The following FAM120A variants were observed in gnomAD, a reference collection of about 807,000 sequenced individuals.
FAM120A encodes constitutive coactivator of PPAR-gamma-like protein 1.
A neutral mutation model predicts 109.7 loss-of-function variants in FAM120A; 15 were observed. The ratio of observed to expected loss-of-function variants is 0.14; its 90% CI spans 0.09 to 0.21. FAM120A has a LOEUF of 0.21. Among genes scored for constraint, FAM120A ranks in the 10% least tolerant of loss-of-function variants. The pLI is 1.00. For synonymous variants in FAM120A, 493 were observed against 572.8 expected, an observed-to-expected ratio of 0.86 and a Z score of 1.99; for missense variants, 899 against 1,439.3, an observed-to-expected ratio of 0.62 and a Z score of 6.07.
At chr9:93,484,413 G>T (rs1238192447) in intron 3 of FAM120A, among the ~76,000 whole-genome samples, 2 of 152,162 alleles carry the variant, frequency 1.3e-5, no homozygotes, top group Non-Finnish European at 2.9e-5. Flanking sequence ...CTGCCAGCAG[G>T]AGCAGGAACA....
At chr9:93,471,016 G>A (rs1029579546) in intron 1 of FAM120A, 125 bp from the exon 2 acceptor site, 4 of 1,165,984 alleles carry the variant, frequency 3.4e-6, no homozygotes, top group African/African-American at 3.1e-5. Flanking sequence ...TTTTTTGACT[G>A]TTTGGCTTTC....
At chr9:93,494,895 C>T (rs772354875) in intron 3 of FAM120A, among the ~76,000 whole-genome samples, 17 of 152,186 alleles carry the variant, frequency 1.1e-4, no homozygotes, top group Non-Finnish European at 2.1e-4. Flanking sequence ...CATCTTGGAT[C>T]TGGCCATTCT....
intron 12 of FAM120A, among the ~76,000 whole-genome samples, chr9:93,554,442 C>A (rs932283927): frequency 1.3e-5 from 2 of 152,102 alleles, no homozygotes; most frequent in Non-Finnish European, 2.9e-5. Context: ...GGCCGAGGAT[C>A]TTCTCAGATC....
chr9:93,532,942 T>A lies in FAM120A; in HGVS notation c.1909+613T>A, dbSNP rs1300444472. Among the ~76,000 whole-genome samples the A allele has an allele frequency of 6.6e-6, 1 of 152,216 alleles. No individual in the cohort carries two copies. Among genetic ancestry groups the A allele is most frequent in the Non-Finnish European group, 1.5e-5 (1 of 68,040 alleles). On this transcript the variant is annotated intron_variant, in intron 10 of 17. Coordinates refer to ENST00000277165, the MANE Select transcript of FAM120A (RefSeq NM_014612.5). The surrounding 1 kb of genome is among the most constrained non-coding windows in gnomAD (Gnocchi z 4.3). Reference sequence around the variant, plus strand: ...CACTGAAAAGGATTGTTTGAAAAGTTGGTCAAAGATGAGGTCAAAGCATTT... The same window carrying A: ...CACTGAAAAGGATTGTTTGAAAAGTAGGTCAAAGATGAGGTCAAAGCATTT...
intron 1 of FAM120A, 42 bp from the exon 2 acceptor site, chr9:93,471,099 G>C: frequency 6.2e-7 from 1 of 1,609,170 alleles, no homozygotes; most frequent in Non-Finnish European, 8.5e-7. Flanking sequence ...TGTTGCTACA[G>C]TGTTACCCTA....
chr9:93,542,730 G>A (rs1861749340), intron 10 of FAM120A, among the ~76,000 whole-genome samples: 2 of 152,284 alleles, frequency 1.3e-5, no homozygotes, highest in South Asian at 4.1e-4. Flanking sequence ...GTTGAAGTGG[G>A]AGGTTCAGTA....
intron 10 of FAM120A, among the ~76,000 whole-genome samples, chr9:93,537,433 C>A (rs752163679): frequency 6.6e-6 from 1 of 152,130 alleles, no homozygotes; most frequent in Non-Finnish European, 1.5e-5. Context: ...TTAACGTCAT[C>A]TTAATAAAAT....
chr9:93,467,254 C>A (rs796859093), intron 1 of FAM120A, among the ~76,000 whole-genome samples: 1 of 111,718 alleles, frequency 9.0e-6, no homozygotes, highest in Admixed American at 8.5e-5. Context: ...TCACCCCCCC[C>A]CCCCTTTTCC....
rs1859648340 is a variant in FAM120A at position 93,498,099 on chromosome 9, G to A, written c.933+500G>A. 6.6e-6 allele frequency among the ~76,000 whole-genome samples: 1 copy of A among 152,122 alleles called. No individual in the cohort carries two copies. The highest frequency in any genetic ancestry group is 2.1e-4 in the South Asian group (1 of 4,824). On this transcript the variant is annotated intron_variant, in intron 4 of 17. Transcript: ENST00000277165. The surrounding 1 kb of genome is among the most constrained non-coding windows in gnomAD (Gnocchi z 4.4). ...CTGTGAAACTCCTGCTGTGTCTCTAGAGAGCTGAAATGCAGCCAGGCACGG... is the reference window on the plus strand; with the variant it reads ...CTGTGAAACTCCTGCTGTGTCTCTAAAGAGCTGAAATGCAGCCAGGCACGG...
At chr9:93,476,450 C>A (rs1858552531) in intron 3 of FAM120A, 112 bp downstream of exon 3, 3 of 678,144 alleles carry the variant, frequency 4.4e-6, no homozygotes, top group Non-Finnish European at 7.7e-6. Flanking sequence ...TTAGCAATAC[C>A]ATGTTTTCCC....
intron 5 of FAM120A, among the ~76,000 whole-genome samples, chr9:93,510,035 G>A (rs1860239796): frequency 6.6e-6 from 1 of 152,192 alleles, no homozygotes; most frequent in Non-Finnish European, 1.5e-5. Context: ...TGACGTTGAT[G>A]TTAAGCCCCG....
At chr9:93,454,544 C>T (rs894995025) in intron 1 of FAM120A, among the ~76,000 whole-genome samples, 1 of 152,146 alleles carries the variant, frequency 6.6e-6, no homozygotes, top group Admixed American at 6.5e-5. Context: ...CTAAACTCAG[C>T]TTGAGAAGAG....
At chr9:93,477,313 T>A (rs1227149021) in intron 3 of FAM120A, among the ~76,000 whole-genome samples, 1 of 152,254 alleles carries the variant, frequency 6.6e-6, no homozygotes. Context: ...TCCTTTCATT[T>A]TGTTCCCTGC....
Position 93,564,278 on chromosome 9 carries a change from A to G in FAM120A, c.3095A>G (p.Lys1032Arg). 3 of 1,614,008 alleles carry G rather than the reference A, an allele frequency of 1.9e-6. No individual in the cohort carries two copies. The highest frequency in any genetic ancestry group is 8.5e-7 in the Non-Finnish European group (1 of 1,179,862). Residue 1032 changes from lysine (K) to arginine (R), a missense_variant, in exon 18 of 18, where the codon AAG becomes AGG. By Grantham distance (26) the Lys-to-Arg change is conservative. Around this residue, in one of 11 missense-constraint regions of FAM120A, gnomAD observed 170 missense variants for 205.0 expected, o/e 0.83. Coordinates refer to ENST00000277165, the MANE Select transcript of FAM120A (RefSeq NM_014612.5). ...GCAGAAGAAGTGGCCAAAGAACTTAAGTCAAAATCTGGGGAATCGAAGTCC... is the reference window on the plus strand; with the variant it reads ...GCAGAAGAAGTGGCCAAAGAACTTAGGTCAAAATCTGGGGAATCGAAGTCC... Reference protein sequence around the residue: ...ASAEEVAKELKSKSGESKSSA... With the variant: ...ASAEEVAKELRSKSGESKSSA...
In FAM120A at chr9:93,532,798, G is replaced by A. The variant is rs964835776; in HGVS notation, c.1909+469G>A. Among the ~76,000 whole-genome samples the A allele has an allele frequency of 6.6e-6, 1 of 152,190 alleles. No individual in the cohort carries two copies. Among genetic ancestry groups the A allele is most frequent in the African/African-American group, 2.4e-5 (1 of 41,434 alleles). ...TGCCACCACGCATGGCTCTGCAGCT[G>A]TAGCGAAGGTCGTGGGACTCACGGA... On this transcript the variant is annotated intron_variant, in intron 10 of 17. Transcript: ENST00000277165. This position sits in a 1 kb window ranked among gnomAD's most constrained non-coding sequence, Gnocchi z 4.3.
intron 10 of FAM120A, among the ~76,000 whole-genome samples, chr9:93,542,251 AG>A (rs1861728239): frequency 6.6e-6 from 1 of 152,214 alleles, no homozygotes; most frequent in African/African-American, 2.4e-5. Flanking sequence ...GGACAACACC[AG>A]GCCCCGCTTT....
chr9:93,497,853 T>C (rs1439773364), intron 4 of FAM120A, among the ~76,000 whole-genome samples: 1 of 152,206 alleles, frequency 6.6e-6, no homozygotes, highest in Non-Finnish European at 1.5e-5. Flanking sequence ...AAAGGGAGAT[T>C]CAGTTAGACG....
At chr9:93,520,607 A>G (rs1282953635) in intron 7 of FAM120A, among the ~76,000 whole-genome samples, 3 of 152,294 alleles carry the variant, frequency 2.0e-5, no homozygotes, top group South Asian at 2.1e-4. Flanking sequence ...TGACTTGTGG[A>G]CTTCTCAGAG....
chr9:93,505,170 C>T (rs1307962504), intron 5 of FAM120A, among the ~76,000 whole-genome samples: 1 of 148,198 alleles, frequency 6.7e-6, no homozygotes, highest in East Asian at 2.1e-4. Context: ...ACACCATTCT[C>T]CTGCCTCAGC....
Sources: gnomAD v4.1 joint callset for allele counts (sites outside exome capture counted in the v4.1 genomes callset) on GRCh38, gnomAD v4.1.1 for gene constraint, gnomAD v4.1.1 regional missense constraint, Gnocchi (gnomAD v3.1) non-coding constraint, MANE v1.5 for transcripts, NCBI Gene and HGNC (gene_info 2026-07-23, HGNC 2026-07-21) for gene names.